The following EP300 variants were observed in gnomAD, a reference collection of about 807,000 sequenced individuals.
The protein encoded by EP300 is EP300 lysine acetyltransferase, also known as histone acetyltransferase p300.
In EP300, 31 loss-of-function variants were observed where a neutral mutation model predicts 264.0. That is an observed-to-expected ratio of 0.12 (90% confidence interval 0.09 to 0.16). EP300 has a LOEUF of 0.16. Ranked by LOEUF, EP300 falls within the 10% of genes least tolerant of loss-of-function variation. EP300 has a pLI of 1.00. For missense variants in EP300, 2,766 were observed against 3,052.9 expected (o/e 0.91, Z 2.21); for synonymous variants, 1,340 against 1,045.4 (o/e 1.28, Z -5.44).
chr22:41,117,795 G>A lies in EP300; in HGVS notation c.703G>A (p.Gly235Arg). The A allele has an allele frequency of 6.2e-7, 1 of 1,614,168 alleles. No individual in the cohort carries two copies. The highest frequency in any genetic ancestry group is 1.3e-5 in the African/African-American group (1 of 75,070). ...QGSPQMGGQT[G>R]LRGPQPLKMG... ...CTCTCCCCAGATGGGAGGACAAACAGGATTGAGAGGCCCCCAGCCTCTTAA... is the reference window on the plus strand; with the variant it reads ...CTCTCCCCAGATGGGAGGACAAACAAGATTGAGAGGCCCCCAGCCTCTTAA... The change falls in exon 2 of 31, where the codon GGA (glycine) becomes AGA (arginine). Residue 235 changes from glycine (G) to arginine (R), a missense_variant. Coordinates refer to ENST00000263253, the MANE Select transcript of EP300 (RefSeq NM_001429.4).
chr22:41,113,004 A>G (rs2058801622), intron 1 of EP300, among the ~76,000 whole-genome samples: 2 of 152,134 alleles, frequency 1.3e-5, no homozygotes. Context: ...TATATCTTTC[A>G]GTAAAAAGGA....
Position 41,127,461 on chromosome 22 carries a change from A to G in EP300, c.907-26A>G, listed in dbSNP as rs757639424. 8 of 1,613,380 alleles carry G rather than the reference A, an allele frequency of 5.0e-6. No individual in the cohort carries two copies. The East Asian group carries it at 6.7e-5, about 13-fold the overall frequency. On this transcript the variant is annotated intron_variant, in intron 3 of 30. Transcript: ENST00000263253. ...GAAATAGCACATTATGACTCCTACC[A>G]TTAAATATATTGTTATATCTCTCAG... is the stretch of plus-strand genomic sequence containing the variant.
chr22:41,150,282 T>C (rs550701335), intron 14 of EP300, 84 bp downstream of exon 14: 39 of 1,431,972 alleles, frequency 2.7e-5, no homozygotes, highest in Non-Finnish European at 3.7e-5. Context: ...CATTCTCTTT[T>C]GCTTTATCTC....
intron 1 of EP300, among the ~76,000 whole-genome samples, chr22:41,102,877 A>T (rs1177347568): frequency 6.6e-6 from 1 of 152,118 alleles, no homozygotes; most frequent in Non-Finnish European, 1.5e-5. Context: ...ATTTATTTTG[A>T]GACAATCTCT....
chr22:41,179,038 C>T lies in EP300; in HGVS notation c.*82C>T, dbSNP rs1184118133. 10 of 1,527,092 alleles carry T rather than the reference C, an allele frequency of 6.5e-6. No homozygotes were observed. The African/African-American group carries it at 8.2e-5, about 13-fold the overall frequency. The allele number at this position is 1,527,092 out of a possible 1,614,324, so 94.6% of individuals were successfully genotyped here. ...TGTACTGAAAACAATTTTTTTGAAT[C>T]TTTCGTAGCCTAAAAGACAATTTTC... On this transcript the variant is annotated 3_prime_UTR_variant, in exon 31 of 31. Transcript: ENST00000263253.
At chr22:41,160,901 T>G (rs1198259326) in intron 20 of EP300, among the ~76,000 whole-genome samples, 179 bp downstream of exon 20, 2 of 152,216 alleles carry the variant, frequency 1.3e-5, no homozygotes, top group African/African-American at 4.8e-5. Context: ...ATACTCACAT[T>G]TCAACTGTTC....
At chr22:41,101,792 T>G (rs1200899579) in intron 1 of EP300, among the ~76,000 whole-genome samples, 1 of 152,066 alleles carries the variant, frequency 6.6e-6, no homozygotes, top group Non-Finnish European at 1.5e-5. Flanking sequence ...TGCTTCGGCC[T>G]CCTGAGTAGC....
At chr22:41,128,840 C>G (rs1208303741) in intron 4 of EP300, among the ~76,000 whole-genome samples, 1 of 151,812 alleles carries the variant, frequency 6.6e-6, no homozygotes, top group African/African-American at 2.4e-5. Context: ...ATATTTATAC[C>G]CCAAAGCATT....
At chr22:41,110,730 TC>T (rs2058785358) in intron 1 of EP300, among the ~76,000 whole-genome samples, 1 of 151,614 alleles carries the variant, frequency 6.6e-6, no homozygotes, top group African/African-American at 2.4e-5. Context: ...TTTTCACACT[TC>T]CAGTGGTCCT....
intron 23 of EP300, among the ~76,000 whole-genome samples, chr22:41,167,543 G>A (rs184080085): frequency 1.6e-5 from 2 of 127,420 alleles, no homozygotes; most frequent in Non-Finnish European, 1.6e-5. Context: ...ACATAGAGAT[G>A]TTCATTGTTT....
chr22:41,167,814 G>GGTTTTTTTTTTT lies in EP300; in HGVS notation c.3875-635_3875-634insGTTTTTTTTTTT, dbSNP rs71328778. 8.8e-4 allele frequency among the ~76,000 whole-genome samples: 58 copies of GGTTTTTTTTTTT among 66,202 alleles called. 9 individuals are homozygous for GGTTTTTTTTTTT. Among genetic ancestry groups the GGTTTTTTTTTTT allele is most frequent in the South Asian group, 1.4e-3 (2 of 1,386 alleles). 43.4% of individuals were successfully genotyped at this position (66,202 alleles called of 152,430 possible). A position where few individuals can be genotyped will look rare whatever the true frequency, so the allele number is the denominator to read the frequency against. ...CATTGTTCTATTTCTGTTTGTTTTT[G>GGTTTTTTTTTTT]TTTTTTTTTTTGTTTTTTTTTTTTT... On this transcript the variant is annotated intron_variant, in intron 23 of 30. Coordinates refer to ENST00000263253, the MANE Select transcript of EP300 (RefSeq NM_001429.4).
Position 41,092,895 on chromosome 22 carries a change from C to G in EP300, c.-110C>G. The G allele has an allele frequency of 8.4e-7, 1 of 1,196,496 alleles. No individual in the cohort carries two copies. The highest frequency in any genetic ancestry group is 2.4e-4 in the Middle Eastern group (1 of 4,128). 74.1% of individuals were successfully genotyped at this position (1,196,496 alleles called of 1,614,324 possible). On this transcript the variant is annotated 5_prime_UTR_variant, in exon 1 of 31. Coordinates refer to ENST00000263253, the MANE Select transcript of EP300 (RefSeq NM_001429.4). ...GAACTTCCCCCACCCCCTCGGGTGC[C>G]GTCGGAGCCCCCCAGCCCACCCCTG...
rs2059213175 is a variant in EP300, at chr22:41,178,056, A to C, written c.6345A>C (p.Pro2115=). The C allele has an allele frequency of 6.2e-7, 1 of 1,614,096 alleles. No homozygotes were observed. Among genetic ancestry groups the C allele is most frequent in the Non-Finnish European group, 8.5e-7 (1 of 1,179,998 alleles). ...CCCAGGGGCAGCCAGGGCTACAGCC[A>C]CCTACCATGCCAGGTCAGCAGGGGG... ...GMPQGQPGLQ[P]PTMPGQQGVH... The change falls in exon 31 of 31, where the codon CCA becomes CCC. Residue 2115 remains proline (P), a synonymous_variant. Transcript: ENST00000263253.
Position 41,179,016 on chromosome 22 carries a change from A to G in EP300, c.*60A>G. The G allele has an allele frequency of 1.3e-6, 2 of 1,595,056 alleles. No individual in the cohort carries two copies. The highest frequency in any genetic ancestry group is 1.7e-6 in the Non-Finnish European group (2 of 1,170,774). Reference sequence around the variant, plus strand: ...ATTTTCTCTTAACAAGACTTTTTGTACTGAAAACAATTTTTTTGAATCTTT... The same window carrying G: ...ATTTTCTCTTAACAAGACTTTTTGTGCTGAAAACAATTTTTTTGAATCTTT... On this transcript the variant is annotated 3_prime_UTR_variant, in exon 31 of 31. Transcript: ENST00000263253.
Position 41,177,659 on chromosome 22 carries a change from G to C in EP300, c.5948G>C (p.Gly1983Ala). Residue 1983 changes from glycine (G) to alanine (A), a missense_variant, in exon 31 of 31, where the codon GGG (glycine) becomes GCG (alanine). Physicochemically the swap from Gly to Ala is moderately conservative, Grantham distance 60. Transcript: ENST00000263253. ...TRGPSGHLEP[G>A]MGPTGMQQQP... Reference sequence around the variant, plus strand: ...GGTCCCAGTGGGCATTTGGAGCCAGGGATGGGACCGACAGGGATGCAGCAA... The same window carrying C: ...GGTCCCAGTGGGCATTTGGAGCCAGCGATGGGACCGACAGGGATGCAGCAA... The C allele has an allele frequency of 6.2e-7, 1 of 1,614,004 alleles. No individual in the cohort carries two copies.
intron 2 of EP300, among the ~76,000 whole-genome samples, chr22:41,121,864 A>G (rs1266953977): frequency 6.6e-6 from 1 of 152,208 alleles, no homozygotes; most frequent in African/African-American, 2.4e-5. Flanking sequence ...ATTGTTTGTC[A>G]TGCGGGTTCT....
Position 41,092,918 on chromosome 22 carries a change from C to G in EP300, c.-87C>G. 6.7e-7 allele frequency: 1 copy of G among 1,502,938 alleles called. No individual in the cohort carries two copies. Among genetic ancestry groups the G allele is most frequent in the Admixed American group, 1.7e-5 (1 of 59,894 alleles). 93.1% of individuals were successfully genotyped at this position (1,502,938 alleles called of 1,614,324 possible). On this transcript the variant is annotated 5_prime_UTR_variant, in exon 1 of 31. Coordinates refer to ENST00000263253, the MANE Select transcript of EP300 (RefSeq NM_001429.4). Reference sequence around the variant, plus strand: ...GCCGTCGGAGCCCCCCAGCCCACCCCTGGGTGCGGCGCGGGGACCCCGGGC... The same window carrying G: ...GCCGTCGGAGCCCCCCAGCCCACCCGTGGGTGCGGCGCGGGGACCCCGGGC...
rs377333217 is a variant in EP300, at chr22:41,129,887, T to A, written c.1169-3T>A. On this transcript the variant is annotated splice_polypyrimidine_tract_variant and splice_region_variant and intron_variant, in intron 4 of 30. Transcript: ENST00000263253. The stretch of plus-strand genomic sequence containing the variant: ...TTGAAAAAATATGTTTTCTTCTCTT[T>A]AGTGGCACACTGTGCATCTTCTCGA... 1.2e-6 allele frequency: 2 copies of A among 1,611,366 alleles called. No individual in the cohort carries two copies. Among genetic ancestry groups the A allele is most frequent in the South Asian group, 2.2e-5 (2 of 91,036 alleles).
rs2058947815 is a variant in EP300 at position 41,135,863 on chromosome 22, C to T, written c.1579C>T (p.Leu527Phe). The T allele has an allele frequency of 3.1e-6, 5 of 1,614,070 alleles. No individual in the cohort carries two copies. The highest frequency in any genetic ancestry group is 4.2e-6 in the Non-Finnish European group (5 of 1,179,992). Residue 527 changes from leucine (L) to phenylalanine (F), a missense_variant, in exon 7 of 31, where the codon CTT becomes TTT. Coordinates refer to ENST00000263253, the MANE Select transcript of EP300 (RefSeq NM_001429.4). The stretch of plus-strand genomic sequence containing the variant: ...AGGTGTAGGAGTTCAAACGCCGAGT[C>T]TTCTTTCTGACTCAATGTTGCATTC... ...NGGVGVQTPS[L>F]LSDSMLHSAI...
Sources: allele counts gnomAD v4.1 joint callset (sites outside exome capture counted in the v4.1 genomes callset), GRCh38; gene constraint gnomAD v4.1.1; transcripts MANE v1.5; gene names NCBI Gene and HGNC (gene_info 2026-07-23, HGNC 2026-07-21).